Variants in KCNT2 observed in about 807,000 individuals in gnomAD.
KCNT2 encodes potassium sodium-activated channel subfamily T member 2.
Under a neutral mutation model 153.8 loss-of-function variants are expected in KCNT2, and 67 were observed. That is an observed-to-expected ratio of 0.44 (90% CI 0.36 to 0.53). The LOEUF is 0.53. Ranked by LOEUF, KCNT2 falls within the 20% of genes least tolerant of loss-of-function variation. The pLI, the probability that KCNT2 is intolerant of heterozygous loss-of-function variation, is 0.00. For missense variants in KCNT2, 975 were observed against 1,354.8 expected (o/e 0.72, Z 4.40); for synonymous variants, 500 against 458.8 (o/e 1.09, Z -1.15).
intron 13 of KCNT2, among the ~76,000 whole-genome samples, chr1:196,378,619 G>A (rs1204580201): frequency 6.6e-6 from 1 of 150,748 alleles, no homozygotes; most frequent in African/African-American, 2.4e-5. Flanking sequence ...TTTAACCATA[G>A]TTCAAGCCTT....
chr1:196,259,304 G>A (rs555490118), intron 25 of KCNT2, among the ~76,000 whole-genome samples: 1 of 152,154 alleles, frequency 6.6e-6, no homozygotes, highest in East Asian at 1.9e-4. Flanking sequence ...TTTAAAGTAA[G>A]ATGCTCTCCT....
At position 196,608,365 on chromosome 1, in the gene KCNT2, G is replaced by T; in HGVS notation, c.-56C>A. 2 of 1,399,914 alleles carry T rather than the reference G, an allele frequency of 1.4e-6. No homozygotes were observed. Among genetic ancestry groups the T allele is most frequent in the Non-Finnish European group, 2.0e-6 (2 of 987,692 alleles). 86.7% of individuals were successfully genotyped at this position (1,399,914 alleles called of 1,614,324 possible). On this transcript the variant is annotated 5_prime_UTR_variant, in exon 1 of 28. Coordinates refer to ENST00000294725, the MANE Select transcript of KCNT2 (RefSeq NM_198503.5). ...ACAAATGGAGGAGAGGAGGGAGAAA[G>T]AAAGAAAATATTGCGGAGTACAGGG...
intron 1 of KCNT2, among the ~76,000 whole-genome samples, chr1:196,600,627 T>C (rs911030749): frequency 2.2e-4 from 32 of 147,152 alleles, no homozygotes; most frequent in African/African-American, 7.6e-4. Flanking sequence ...GAAATACATT[T>C]ATATTAGATA....
chr1:196,511,382 CA>C (rs374843774), intron 1 of KCNT2, among the ~76,000 whole-genome samples: 6 of 152,210 alleles, frequency 3.9e-5, no homozygotes, highest in African/African-American at 1.2e-4. Context: ...AAATCTGCCA[CA>C]AAAACCAGGG....
Position 196,595,430 on chromosome 1 carries a change from T to C in KCNT2, c.95+12785A>G, listed in dbSNP as rs139714754. Among the ~76,000 whole-genome samples, 670 of 152,196 alleles carry C rather than the reference T, an allele frequency of 4.4e-3. 3 individuals carry two copies. The highest frequency in any genetic ancestry group is 0.015 in the African/African-American group (612 of 41,538). ...CTACAATAGTCATGTGCTTTATATA[T>C]ATCTCTATCTATGTGCATATAAACA... is the stretch of plus-strand genomic sequence containing the variant. On this transcript the variant is annotated intron_variant, in intron 1 of 27. Transcript: ENST00000294725.
At chr1:196,283,749 G>T (rs1659350681) in intron 23 of KCNT2, among the ~76,000 whole-genome samples, 1 of 151,984 alleles carries the variant, frequency 6.6e-6, no homozygotes, top group Non-Finnish European at 1.5e-5. Context: ...AAATAGTTAT[G>T]AATTAATGCC....
In KCNT2 at chr1:196,541,108, T is replaced by C. The variant is rs1169604388; in HGVS notation, c.96-48767A>G. Among the ~76,000 whole-genome samples the C allele has an allele frequency of 3.0e-5, 4 of 132,306 alleles. No individual in the cohort carries two copies. The East Asian group carries it at 8.9e-4, about 29-fold the overall frequency. The allele number at this position is 132,306 out of a possible 152,430, so 86.8% of individuals were successfully genotyped here. ...AAATATATAAATAAATAAAAATCTA[T>C]TTATATTCGTTCAGTAGGTGACTGT... is the stretch of plus-strand genomic sequence containing the variant. On this transcript the variant is annotated intron_variant, in intron 1 of 27. Coordinates refer to ENST00000294725, the MANE Select transcript of KCNT2 (RefSeq NM_198503.5).
At chr1:196,251,623 G>A (rs967641768) in intron 26 of KCNT2, among the ~76,000 whole-genome samples, 7 of 151,990 alleles carry the variant, frequency 4.6e-5, no homozygotes, top group Non-Finnish European at 8.8e-5. Context: ...GTGGGGATGG[G>A]AGAAAGGGGA....
chr1:196,483,623 G>T (rs1679185843), intron 3 of KCNT2, among the ~76,000 whole-genome samples: 1 of 152,038 alleles, frequency 6.6e-6, no homozygotes, highest in South Asian at 2.1e-4. Flanking sequence ...AGAAGTCTCA[G>T]CTCAACCCTC....
At chr1:196,249,775 CAA>C (rs1256536345) in intron 26 of KCNT2, among the ~76,000 whole-genome samples, 4 of 124,084 alleles carry the variant, frequency 3.2e-5, no homozygotes. Context: ...GACTCTGTCT[CAA>C]AAAAAAAAAA....
intron 11 of KCNT2, among the ~76,000 whole-genome samples, chr1:196,424,197 G>A (rs1673452245): frequency 6.6e-6 from 1 of 150,988 alleles, no homozygotes; most frequent in Non-Finnish European, 1.5e-5. Context: ...TAAGACTATT[G>A]GTAATAAATT....
chr1:196,385,996 A>T (rs1265128576), intron 13 of KCNT2, among the ~76,000 whole-genome samples: 1 of 152,122 alleles, frequency 6.6e-6, no homozygotes, highest in Non-Finnish European at 1.5e-5. Context: ...GCTATGCCGT[A>T]AAAGGCATTG....
intron 26 of KCNT2, among the ~76,000 whole-genome samples, chr1:196,253,883 TC>T: frequency 6.6e-6 from 1 of 151,690 alleles, no homozygotes; most frequent in South Asian, 2.1e-4. Flanking sequence ...CAAATTGGCC[TC>T]TTTTTTCCTA....
chr1:196,401,887 A>G lies in KCNT2; in HGVS notation c.1186-3216T>C, dbSNP rs551222147. Among the ~76,000 whole-genome samples, 3 of 151,688 alleles carry G rather than the reference A, an allele frequency of 2.0e-5. No homozygotes were observed. In the South Asian group the frequency reaches 6.2e-4, roughly 31 times the overall value. ...CAAAAAGATAACCATGCCTAGCCAC[A>G]TTGTATTCAAACTGTTAAAAAACAA... On this transcript the variant is annotated intron_variant, in intron 12 of 27. Coordinates refer to ENST00000294725, the MANE Select transcript of KCNT2 (RefSeq NM_198503.5).
At chr1:196,255,453 C>G (rs1370970767) in intron 26 of KCNT2, among the ~76,000 whole-genome samples, 1 of 151,708 alleles carries the variant, frequency 6.6e-6, no homozygotes, top group Non-Finnish European at 1.5e-5. Flanking sequence ...GTCACTTTAG[C>G]TGTTTCCTCA....
At chr1:196,240,312 G>A (rs112979342) in intron 26 of KCNT2, among the ~76,000 whole-genome samples, 1,674 of 152,056 alleles carry the variant, frequency 0.011, 35 homozygotes, top group African/African-American at 0.036. Flanking sequence ...ATCCTGGCAT[G>A]AAAAATGAGG....
chr1:196,542,108 TATAACA>T (rs1307392367), intron 1 of KCNT2, among the ~76,000 whole-genome samples: 4 of 152,106 alleles, frequency 2.6e-5, no homozygotes, highest in African/African-American at 9.6e-5. Flanking sequence ...GGAAGAGTTA[TATAACA>T]ATATTTATCA....
chr1:196,492,755 G>C (rs1227579422), intron 1 of KCNT2, among the ~76,000 whole-genome samples: 1 of 152,046 alleles, frequency 6.6e-6, no homozygotes, highest in Non-Finnish European at 1.5e-5. Flanking sequence ...ACTGACGTTT[G>C]AAAAATTCAG....
intron 12 of KCNT2, among the ~76,000 whole-genome samples, chr1:196,411,446 TAAAAAAAAA>T (rs35196093): frequency 1.0e-5 from 1 of 96,324 alleles, no homozygotes; most frequent in African/African-American, 3.7e-5. Flanking sequence ...CTATTCCAGT[TAAAAAAAAA>T]AAAAAAAAAA....
Sources: allele counts gnomAD v4.1 joint callset (sites outside exome capture counted in the v4.1 genomes callset), GRCh38; gene constraint gnomAD v4.1.1; transcripts MANE v1.5; gene names NCBI Gene and HGNC (gene_info 2026-07-23, HGNC 2026-07-21).